The following TTC21A variants were observed in gnomAD, a reference collection of about 807,000 sequenced individuals.
TTC21A encodes the protein tetratricopeptide repeat protein 21A.
A neutral mutation model predicts 156.4 loss-of-function variants in TTC21A; 128 were observed. The observed-to-expected ratio is 0.82, with a 90% CI of 0.71 to 0.95. The LOEUF (loss-of-function observed/expected upper bound fraction) is 0.95, where lower values mean the gene tolerates loss of function less well. TTC21A is among the 40% of genes least tolerant of loss of function. The pLI is 0.00. For synonymous variants in TTC21A, 587 were observed against 617.1 expected (o/e 0.95, Z 0.72); for missense variants, 1,435 against 1,602.3 (o/e 0.90, Z 1.78).
chr3:39,137,171 G>A, intron 24 of TTC21A, 24 bp from the exon 25 acceptor site: 4 of 1,605,902 alleles, frequency 2.5e-6, no homozygotes, highest in Non-Finnish European at 2.6e-6. Context: ...GCCTGTGTCT[G>A]ATACCCAGGT....
chr3:39,138,529 C>G (rs1324900370), intron 27 of TTC21A, 27 bp from the exon 28 acceptor site: 8 of 1,613,990 alleles, frequency 5.0e-6, no homozygotes, highest in South Asian at 1.1e-5. Flanking sequence ...AGGGTGCCAC[C>G]ATCTTTGCTC....
At chr3:39,109,548 G>A (rs546952550) in intron 2 of TTC21A, among the ~76,000 whole-genome samples, 1 of 152,220 alleles carries the variant, frequency 6.6e-6, no homozygotes, top group Non-Finnish European at 1.5e-5. Flanking sequence ...GAAGAGGTAG[G>A]TGTGAGGACA....
chr3:39,112,088 C>G (rs1013678497), intron 4 of TTC21A, among the ~76,000 whole-genome samples: 3 of 152,174 alleles, frequency 2.0e-5, no homozygotes, highest in Non-Finnish European at 4.4e-5. Flanking sequence ...CATGTTGGCT[C>G]CTGACCCCAG....
At chr3:39,126,416 G>A in intron 12 of TTC21A, 26 bp downstream of exon 12, 3 of 1,611,838 alleles carry the variant, frequency 1.9e-6, no homozygotes, top group East Asian at 2.2e-5. Flanking sequence ...TGACAGCCGG[G>A]TGGGGCCTTG....
At chr3:39,128,578 T>C (rs1173059219) in intron 13 of TTC21A, 90 bp downstream of exon 13, 2 of 1,581,070 alleles carry the variant, frequency 1.3e-6, no homozygotes, top group East Asian at 4.5e-5. Context: ...GGGCTAGCTG[T>C]GTCCCGTAGA....
At chr3:39,121,830 G>C (rs756080871) in intron 9 of TTC21A, among the ~76,000 whole-genome samples, 5 of 152,110 alleles carry the variant, frequency 3.3e-5, no homozygotes, top group Admixed American at 2.6e-4. Context: ...TCTTGCCCTG[G>C]CTCTGAGGGG....
intron 3 of TTC21A, chr3:39,110,340 G>T: frequency 1.6e-6 from 1 of 637,436 alleles, no homozygotes; most frequent in Non-Finnish European, 2.8e-6. Context: ...GCCCAACTGA[G>T]TGGAAGCAGG....
chr3:39,138,240 A>G, intron 26 of TTC21A, 27 bp from the exon 27 acceptor site: 1 of 1,613,652 alleles, frequency 6.2e-7, no homozygotes, highest in South Asian at 1.1e-5. Context: ...TCCGCTCTGC[A>G]GAGGCTCTAA....
chr3:39,121,698 GC>G (rs2037783802), intron 9 of TTC21A, among the ~76,000 whole-genome samples: 1 of 152,192 alleles, frequency 6.6e-6, no homozygotes, highest in African/African-American at 2.4e-5. Context: ...TTTCTACAGT[GC>G]CATTTCCATT....
intron 7 of TTC21A, 115 bp downstream of exon 7, chr3:39,118,268 C>G: frequency 1.0e-6 from 1 of 987,846 alleles, no homozygotes; most frequent in Non-Finnish European, 1.6e-6. Context: ...TCTCAGCTTC[C>G]TCTTTTCTAC....
chr3:39,123,982 C>A (rs759471239), intron 9 of TTC21A, among the ~76,000 whole-genome samples: 12 of 152,142 alleles, frequency 7.9e-5, no homozygotes, highest in Non-Finnish European at 1.5e-4. Flanking sequence ...AGTTACTTTT[C>A]ATGTTTCAGA....
intron 2 of TTC21A, among the ~76,000 whole-genome samples, chr3:39,109,419 C>T (rs941106123): frequency 2.0e-5 from 3 of 152,148 alleles, no homozygotes; most frequent in African/African-American, 7.2e-5. Flanking sequence ...GCTGACTATC[C>T]CTGCTCTGCA....
At chr3:39,132,856 G>A (rs1340232856) in intron 19 of TTC21A, 196 bp from the exon 20 acceptor site, 1 of 609,786 alleles carries the variant, frequency 1.6e-6, no homozygotes, top group Non-Finnish European at 2.9e-6. Context: ...TTCTGCTCCT[G>A]CCCCCAGAGG....
At position 39,137,578 on chromosome 3, in the gene TTC21A, C is replaced by T. The variant is rs751070769; in HGVS notation, c.3543C>T (p.Ala1181=). ...PKARMQLKRL[A]KTPWVLSEAE... The stretch of plus-strand genomic sequence containing the variant: ...CGCGTATGCAGTTGAAGCGCCTGGC[C>T]AAGACCCCCTGGGTGCTGAGTGAGG... Residue 1181 remains alanine, a synonymous_variant, in exon 26 of 29, where the codon GCC becomes GCT. Coordinates refer to ENST00000683103, the MANE Select transcript of TTC21A (RefSeq NM_001366900.1). 2 of 1,614,128 alleles carry T rather than the reference C, an allele frequency of 1.2e-6. No individual in the cohort carries two copies. The highest frequency in any genetic ancestry group is 2.7e-5 in the African/African-American group (2 of 74,938).
chr3:39,133,192 G>A lies in TTC21A; in HGVS notation c.2703G>A (p.Ala901=), dbSNP rs35645810. 1.1e-4 allele frequency: 170 copies of A among 1,614,078 alleles called. No homozygotes were observed. Among genetic ancestry groups the A allele is most frequent in the East Asian group, 4.9e-4 (22 of 44,894 alleles). ...TGGCAGAGAAAGAGTATGACAAGGCGGTACAGTCTTATAAGGATGTCTTCT... is the reference window on the plus strand; with the variant it reads ...TGGCAGAGAAAGAGTATGACAAGGCAGTACAGTCTTATAAGGATGTCTTCT... ...HYLAEKEYDK[A]VQSYKDVFSY... Residue 901 remains alanine, a synonymous_variant, in exon 20 of 29, where the codon GCG becomes GCA. Transcript: ENST00000683103.
intron 12 of TTC21A, among the ~76,000 whole-genome samples, chr3:39,127,333 C>T (rs2038353888): frequency 6.6e-6 from 1 of 152,184 alleles, no homozygotes; most frequent in South Asian, 2.1e-4. Context: ...GGGTTGCACT[C>T]CTGCTGAGAG....
intron 13 of TTC21A, 93 bp downstream of exon 13, chr3:39,128,581 C>T (rs182913958): frequency 2.5e-6 from 4 of 1,577,232 alleles, no homozygotes; most frequent in East Asian, 2.2e-5. Context: ...CTAGCTGTGT[C>T]CCGTAGATCT....
At chr3:39,127,273 G>A (rs2038348968) in intron 12 of TTC21A, among the ~76,000 whole-genome samples, 1 of 152,218 alleles carries the variant, frequency 6.6e-6, no homozygotes. Flanking sequence ...GGTGTCCAAA[G>A]GGATCAGAAT....
At chr3:39,126,970 A>G (rs573996307) in intron 12 of TTC21A, among the ~76,000 whole-genome samples, 46 of 152,188 alleles carry the variant, frequency 3.0e-4, no homozygotes, top group Non-Finnish European at 6.3e-4. Context: ...AGAAGCTGAA[A>G]CAGGGAAGTG....
Sources: allele counts gnomAD v4.1 joint callset (sites outside exome capture counted in the v4.1 genomes callset), GRCh38; gene constraint gnomAD v4.1.1; transcripts MANE v1.5; gene names NCBI Gene and HGNC (gene_info 2026-07-23, HGNC 2026-07-21).